ASAP1: variants seen among roughly 807,000 people sequenced by gnomAD.
The protein encoded by ASAP1 is arf-GAP with SH3 domain, ANK repeat and PH domain-containing protein 1.
ASAP1 carries 43 observed loss-of-function variants against 145.2 expected under a neutral mutation model. That is an observed-to-expected ratio of 0.30 (90% CI 0.23 to 0.38). The LOEUF (loss-of-function observed/expected upper bound fraction) is 0.38, where lower values mean the gene tolerates loss of function less well. Ranked by LOEUF, ASAP1 falls within the 10% of genes least tolerant of loss-of-function variation. ASAP1 has a pLI of 1.00. For synonymous variants in ASAP1, 546 were observed against 515.5 expected (o/e 1.06, Z -0.80); for missense variants, 1,018 against 1,355.3 (o/e 0.75, Z 3.91).
At chr8:130,233,264 A>C (rs1389776129) in intron 4 of ASAP1, among the ~76,000 whole-genome samples, 1 of 152,176 alleles carries the variant, frequency 6.6e-6, no homozygotes, top group Non-Finnish European at 1.5e-5. Flanking sequence ...ATGAATATTC[A>C]TGATTAGTGA....
intron 29 of ASAP1, among the ~76,000 whole-genome samples, chr8:130,055,299 A>G (rs911940010): frequency 1.4e-5 from 2 of 145,610 alleles, no homozygotes; most frequent in African/African-American, 5.0e-5. Flanking sequence ...TTAAAAAAGA[A>G]AAAAAAAAAA....
At chr8:130,191,177 T>C (rs761748549) in intron 5 of ASAP1, among the ~76,000 whole-genome samples, 4 of 151,766 alleles carry the variant, frequency 2.6e-5, no homozygotes, top group African/African-American at 9.7e-5. Flanking sequence ...CAGAGAAGAA[T>C]GGCAGGAGGG....
chr8:130,341,446 T>A (rs1035292437), intron 3 of ASAP1, among the ~76,000 whole-genome samples: 4 of 152,204 alleles, frequency 2.6e-5, no homozygotes, highest in African/African-American at 9.7e-5. Context: ...GATCTTTGTA[T>A]AAACCTCGGT....
chr8:130,217,564 C>CACACACACACACACA (rs1554850546), intron 4 of ASAP1, among the ~76,000 whole-genome samples: 1 of 103,088 alleles, frequency 9.7e-6, no homozygotes. Context: ...ACACACAGAT[C>CACACACACACACACA]TTTTCCTACC....
At chr8:130,394,552 A>G (rs1828436853) in intron 2 of ASAP1, among the ~76,000 whole-genome samples, 1 of 152,104 alleles carries the variant, frequency 6.6e-6, no homozygotes, top group African/African-American at 2.4e-5. Flanking sequence ...GCCTTGTGAT[A>G]TTCTATTACC....
At position 130,358,221 on chromosome 8, in the gene ASAP1, A is replaced by T; in HGVS notation, c.60-78T>A. On this transcript the variant is annotated intron_variant, in intron 2 of 29. Transcript: ENST00000518721. This position sits in a 1 kb window ranked among gnomAD's most constrained non-coding sequence, Gnocchi z 4.1. ...GCTCCCGGGGCCGCGGGCCGCCCGG[A>T]GGCTCATGAACCCCGGCGCGCAGCC... 1 of 1,327,246 alleles carries T rather than the reference A, an allele frequency of 7.5e-7. No individual in the cohort carries two copies. Among genetic ancestry groups the T allele is most frequent in the South Asian group, 1.4e-5 (1 of 71,378 alleles). The allele number at this position is 1,327,246 out of a possible 1,614,324, so 82.2% of individuals were successfully genotyped here. A position where few individuals can be genotyped will look rare whatever the true frequency, so the allele number is the denominator to read the frequency against.
chr8:130,351,174 T>C (rs2138049979), intron 3 of ASAP1, among the ~76,000 whole-genome samples: 1 of 152,318 alleles, frequency 6.6e-6, no homozygotes, highest in East Asian at 1.9e-4. Flanking sequence ...AATAGATGCC[T>C]TTCTCACGGG....
At chr8:130,167,209 T>G (rs999628302) in intron 11 of ASAP1, among the ~76,000 whole-genome samples, 1 of 150,596 alleles carries the variant, frequency 6.6e-6, no homozygotes, top group Non-Finnish European at 1.5e-5. Context: ...GAGGCTGAGG[T>G]GGAATGGTTG....
intron 2 of ASAP1, among the ~76,000 whole-genome samples, chr8:130,359,264 T>C (rs1178663409): frequency 6.6e-6 from 1 of 152,168 alleles, no homozygotes; most frequent in African/African-American, 2.4e-5. Flanking sequence ...TAAAAGGCAT[T>C]GCCCGAGCTG....
intron 27 of ASAP1, among the ~76,000 whole-genome samples, chr8:130,062,187 GGCCAAGGACATA>G (rs1447616740): frequency 6.6e-6 from 1 of 152,112 alleles, no homozygotes; most frequent in Non-Finnish European, 1.5e-5. Context: ...CTGGCACAAG[GGCCAAGGACATA>G]GCCTGCACTC....
intron 12 of ASAP1, among the ~76,000 whole-genome samples, chr8:130,153,324 G>A (rs1263075796): frequency 8.8e-6 from 1 of 113,622 alleles, no homozygotes; most frequent in Non-Finnish European, 1.8e-5. Context: ...GGCCAGCACT[G>A]CTTTTTAAAT....
chr8:130,277,107 T>C (rs1198549230), intron 3 of ASAP1, among the ~76,000 whole-genome samples: 2 of 152,036 alleles, frequency 1.3e-5, no homozygotes, highest in Non-Finnish European at 2.9e-5. Context: ...GGGCCCCCCA[T>C]CCCAGACTCT....
intron 9 of ASAP1, among the ~76,000 whole-genome samples, chr8:130,175,162 T>C (rs567569186): frequency 1.3e-5 from 2 of 152,288 alleles, no homozygotes; most frequent in Admixed American, 1.3e-4. Context: ...TTTTGATTTG[T>C]ACTTAACACC....
At chr8:130,147,110 C>G (rs1176040640) in intron 13 of ASAP1, among the ~76,000 whole-genome samples, 1 of 147,534 alleles carries the variant, frequency 6.8e-6, no homozygotes, top group Admixed American at 6.9e-5. Flanking sequence ...GCCTGTAGTC[C>G]CAGCTACTCA....
intron 4 of ASAP1, among the ~76,000 whole-genome samples, chr8:130,229,286 AAAC>A (rs1417922327): frequency 6.6e-6 from 1 of 152,256 alleles, no homozygotes; most frequent in Non-Finnish European, 1.5e-5. Flanking sequence ...AAATAAAACT[AAAC>A]ACACACATAT....
At chr8:130,413,049 G>C (rs1586999594) in intron 1 of ASAP1, among the ~76,000 whole-genome samples, 1 of 152,294 alleles carries the variant, frequency 6.6e-6, no homozygotes, top group East Asian at 1.9e-4. Flanking sequence ...ACAAACCTAG[G>C]CAACAGGTAT....
intron 1 of ASAP1, among the ~76,000 whole-genome samples, chr8:130,418,400 TAGTC>T (rs973656827): frequency 6.6e-6 from 1 of 151,902 alleles, no homozygotes; most frequent in African/African-American, 2.4e-5. Flanking sequence ...ATACAAAAAT[TAGTC>T]GGTCATGGTG....
intron 2 of ASAP1, chr8:130,361,747 T>C: frequency 6.5e-7 from 1 of 1,535,326 alleles, no homozygotes; most frequent in South Asian, 1.2e-5. Flanking sequence ...TTTTCTCAAA[T>C]ACTCTGAAAA....
At chr8:130,082,980 G>C (rs962725863) in intron 25 of ASAP1, 5 of 152,128 alleles carry the variant, frequency 3.3e-5, no homozygotes, top group African/African-American at 4.8e-5. Context: ...TTTTATGTTT[G>C]GGGAATGAAC....
Sources: gnomAD v4.1 joint callset for allele counts (sites outside exome capture counted in the v4.1 genomes callset) on GRCh38, gnomAD v4.1.1 for gene constraint, Gnocchi (gnomAD v3.1) non-coding constraint, MANE v1.5 for transcripts, NCBI Gene and HGNC (gene_info 2026-07-23, HGNC 2026-07-21) for gene names.